MSRA: variants seen among roughly 807,000 people sequenced by gnomAD.
MSRA encodes mitochondrial peptide methionine sulfoxide reductase.
Under a neutral mutation model 31.3 loss-of-function variants are expected in MSRA, and 54 were observed. That is an observed-to-expected ratio of 1.73 (90% confidence interval 1.39 to 2.17). MSRA has a LOEUF of 2.17. MSRA is among the 30% of genes most tolerant of loss of function. MSRA has a pLI of 0.00. For synonymous variants in MSRA, 169 were observed against 116.5 expected (o/e 1.45, Z -2.90); for missense variants, 507 against 300.9 (o/e 1.69, Z -5.07).
intron 1 of MSRA, among the ~76,000 whole-genome samples, chr8:10,206,795 G>T (rs1231581390): frequency 1.3e-5 from 2 of 152,198 alleles, no homozygotes; most frequent in Admixed American, 1.3e-4. Context: ...CACATGGCAG[G>T]ACTTAGCACA....
At chr8:10,375,064 G>A (rs866623989) in intron 5 of MSRA, among the ~76,000 whole-genome samples, 1 of 152,168 alleles carries the variant, frequency 6.6e-6, no homozygotes, top group African/African-American at 2.4e-5. Context: ...CTATGCTTGT[G>A]CAGCCTGCAG....
At chr8:10,103,684 T>G (rs1799681645) in intron 1 of MSRA, among the ~76,000 whole-genome samples, 1 of 152,192 alleles carries the variant, frequency 6.6e-6, no homozygotes, top group Non-Finnish European at 1.5e-5. Context: ...CAGCTGTTTA[T>G]TCCAATAGAC....
chr8:10,194,179 T>C (rs1255738124), intron 1 of MSRA, among the ~76,000 whole-genome samples: 1 of 152,086 alleles, frequency 6.6e-6, no homozygotes, highest in African/African-American at 2.4e-5. Flanking sequence ...AAAAAAGGGG[T>C]GAACCCACAA....
At chr8:10,095,811 A>T in intron 1 of MSRA, 1 of 1,235,480 alleles carries the variant, frequency 8.1e-7, no homozygotes, top group South Asian at 3.8e-5. Context: ...ATTAAGGGAA[A>T]TAAAAGCCTT....
At chr8:10,373,471 C>A (rs1159832991) in intron 5 of MSRA, among the ~76,000 whole-genome samples, 3 of 152,188 alleles carry the variant, frequency 2.0e-5, no homozygotes, top group Non-Finnish European at 4.4e-5. Context: ...GGCTATCAAG[C>A]CTTGATCCTC....
intron 1 of MSRA, among the ~76,000 whole-genome samples, chr8:10,173,380 C>G (rs1805764856): frequency 6.6e-6 from 1 of 152,202 alleles, no homozygotes; most frequent in East Asian, 1.9e-4. Flanking sequence ...GAAGACCAGA[C>G]AAATCGAAAC....
chr8:10,054,738 C>A (rs1802216805), intron 1 of MSRA, 80 bp downstream of exon 1: 2 of 1,362,830 alleles, frequency 1.5e-6, no homozygotes, highest in Non-Finnish European at 1.9e-6. Flanking sequence ...CGCCCGCTGC[C>A]CGGAAGGAAG....
chr8:10,290,256 G>A (rs1217826568), intron 3 of MSRA, among the ~76,000 whole-genome samples: 1 of 152,162 alleles, frequency 6.6e-6, no homozygotes, highest in Non-Finnish European at 1.5e-5. Flanking sequence ...GGAGGCAGAA[G>A]TTGACTTAAT....
At chr8:10,128,403 A>G (rs958374533) in intron 1 of MSRA, among the ~76,000 whole-genome samples, 22 of 152,276 alleles carry the variant, frequency 1.4e-4, no homozygotes, top group African/African-American at 4.8e-4. Flanking sequence ...AATTCTGTCT[A>G]AATTCCAGTG....
chr8:10,332,451 T>TCCCCCCCCCCCCCCC (rs373121180), intron 5 of MSRA, among the ~76,000 whole-genome samples: 2 of 146,510 alleles, frequency 1.4e-5, no homozygotes, highest in African/African-American at 2.5e-5. Context: ...AAAAGAAAAA[T>TCCCCCCCCCCCCCCC]CCCCCCTCCC....
At chr8:10,367,399 C>T (rs906456597) in intron 5 of MSRA, among the ~76,000 whole-genome samples, 12 of 151,990 alleles carry the variant, frequency 7.9e-5, no homozygotes, top group Admixed American at 1.3e-4. Context: ...GGTATGTATA[C>T]GAAAAAATAT....
chr8:10,240,101 G>C (rs985748365), intron 2 of MSRA, among the ~76,000 whole-genome samples: 1 of 152,220 alleles, frequency 6.6e-6, no homozygotes, highest in South Asian at 2.1e-4. Context: ...AGTTGGCCAA[G>C]ACCCTGAAGG....
At chr8:10,061,042 G>T (rs1802688644) in intron 1 of MSRA, among the ~76,000 whole-genome samples, 2 of 152,254 alleles carry the variant, frequency 1.3e-5, no homozygotes, top group South Asian at 4.1e-4. Flanking sequence ...TTTGCATCCT[G>T]CCCAGAGCTC....
chr8:10,146,728 G>C (rs376825368), intron 1 of MSRA, among the ~76,000 whole-genome samples: 2 of 152,292 alleles, frequency 1.3e-5, no homozygotes, highest in South Asian at 2.1e-4. Context: ...AAATACTGCT[G>C]CATACTGATG....
At chr8:10,320,594 CTCTT>C (rs1458137119) in intron 5 of MSRA, among the ~76,000 whole-genome samples, 1 of 152,230 alleles carries the variant, frequency 6.6e-6, no homozygotes, top group Non-Finnish European at 1.5e-5. Context: ...CTGAAACTCT[CTCTT>C]TTTTTCTTCC....
At chr8:10,395,483 A>T (rs1807039327) in intron 5 of MSRA, among the ~76,000 whole-genome samples, 1 of 152,172 alleles carries the variant, frequency 6.6e-6, no homozygotes, top group African/African-American at 2.4e-5. Context: ...GAGCAGGAGA[A>T]TGACATGGCC....
intron 2 of MSRA, among the ~76,000 whole-genome samples, chr8:10,225,228 C>T (rs775028405): frequency 2.7e-4 from 41 of 152,198 alleles, no homozygotes; most frequent in Non-Finnish European, 5.7e-4. Context: ...CACTGCACAC[C>T]CTCCCATGTA....
intron 5 of MSRA, among the ~76,000 whole-genome samples, chr8:10,335,525 C>T (rs1240785968): frequency 2.0e-5 from 3 of 152,132 alleles, no homozygotes; most frequent in South Asian, 2.1e-4. Context: ...CTCAGAGCTG[C>T]GGGTGACTCT....
intron 1 of MSRA, among the ~76,000 whole-genome samples, chr8:10,087,679 G>A (rs554427672): frequency 1.3e-5 from 2 of 152,296 alleles, no homozygotes; most frequent in Admixed American, 6.5e-5. Flanking sequence ...AGTGTTCAAT[G>A]TCAGATGACA....
Sources: gnomAD v4.1 joint callset for allele counts (sites outside exome capture counted in the v4.1 genomes callset) on GRCh38, gnomAD v4.1.1 for gene constraint, MANE v1.5 for transcripts, NCBI Gene and HGNC (gene_info 2026-07-23, HGNC 2026-07-21) for gene names.